Variants in NFIB observed in about 807,000 individuals in gnomAD.
NFIB encodes the protein nuclear factor I B, also known as nuclear factor 1 B-type.
A neutral mutation model predicts 61.5 loss-of-function variants in NFIB; 11 were observed. That is an observed-to-expected ratio of 0.18 (90% CI 0.11 to 0.30). NFIB has a LOEUF of 0.30. NFIB is among the 10% of genes least tolerant of loss of function. The probability of loss-of-function intolerance (pLI) is 1.00; values close to 1 mark genes in which losing one functional copy is unlikely to be tolerated. For synonymous variants in NFIB, 260 were observed against 216.5 expected, an observed-to-expected ratio of 1.20 and a Z score of -1.76; for missense variants, 471 against 608.9, an observed-to-expected ratio of 0.77 and a Z score of 2.38.
the NFIB span, among the ~76,000 whole-genome samples, chr9:14,426,746 T>G: frequency 2.6e-5 from 4 of 152,152 alleles, no homozygotes; most frequent in African/African-American, 9.7e-5. Context: ...TGTATCCTCC[T>G]TCTCTGACTG....
chr9:14,285,612 C>T (rs1490585437), intron 2 of NFIB, among the ~76,000 whole-genome samples: 1 of 152,204 alleles, frequency 6.6e-6, no homozygotes, highest in Non-Finnish European at 1.5e-5. Context: ...CTGACTCTGT[C>T]ACTTAACTAG....
At chr9:14,465,586 C>CAT in the NFIB span, among the ~76,000 whole-genome samples, 1 of 150,764 alleles carries the variant, frequency 6.6e-6, no homozygotes, top group East Asian at 1.9e-4. Flanking sequence ...CACACACACA[C>CAT]ACACACACAC....
intron 10 of NFIB, among the ~76,000 whole-genome samples, chr9:14,104,176 G>C (rs1587205970): frequency 6.6e-6 from 1 of 151,942 alleles, no homozygotes; most frequent in Admixed American, 6.6e-5. Flanking sequence ...GCCTCCTAAA[G>C]TGCTGGGATT....
chr9:14,421,618 T>C, the NFIB span, among the ~76,000 whole-genome samples: 4 of 152,218 alleles, frequency 2.6e-5, no homozygotes, highest in Non-Finnish European at 5.9e-5. Flanking sequence ...AGTTGACAAA[T>C]GTAAATTACT....
At position 14,188,728 on chromosome 9, in the gene NFIB, C is replaced by G. The variant is rs1315231434; in HGVS notation, c.563-8948G>C. Among the ~76,000 whole-genome samples, 14 of 152,206 alleles carry G rather than the reference C, an allele frequency of 9.2e-5. 1 individual carries two copies. The highest frequency in any genetic ancestry group is 9.2e-4 in the Admixed American group (14 of 15,270). ...AGTCCTTTCCAAAACCCAGCCAGAT[C>G]CAGTAGGAAAAGATGAGATGAATGT... On this transcript the variant is annotated intron_variant, in intron 2 of 10. Coordinates refer to ENST00000380953, the MANE Select transcript of NFIB (RefSeq NM_001190737.2).
chr9:14,395,905 G>C (rs1268768533), intron 1 of NFIB, among the ~76,000 whole-genome samples: 1 of 151,518 alleles, frequency 6.6e-6, no homozygotes, highest in African/African-American at 2.4e-5. Context: ...TGTGGGTGGG[G>C]GTGGGGATCG....
intron 2 of NFIB, among the ~76,000 whole-genome samples, chr9:14,229,809 C>G (rs2052896852): frequency 6.6e-6 from 1 of 152,130 alleles, no homozygotes. Flanking sequence ...CTTTTATTCC[C>G]ATCCTGCAGC....
intron 1 of NFIB, among the ~76,000 whole-genome samples, chr9:14,373,331 C>G (rs983668446): frequency 1.3e-5 from 2 of 152,186 alleles, no homozygotes; most frequent in African/African-American, 4.8e-5. Context: ...CTCTTATATG[C>G]AGATGGGAGT....
At chr9:14,296,974 C>T (rs1021646783) in intron 2 of NFIB, among the ~76,000 whole-genome samples, 3 of 152,186 alleles carry the variant, frequency 2.0e-5, no homozygotes, top group Admixed American at 2.0e-4. Flanking sequence ...TTCTCTTTTT[C>T]TTCTAACTTC....
the NFIB span, among the ~76,000 whole-genome samples, chr9:14,530,708 A>G: frequency 6.6e-6 from 1 of 152,078 alleles, no homozygotes; most frequent in Non-Finnish European, 1.5e-5. Flanking sequence ...GACTAATCAG[A>G]CCAGGCTTCC....
At chr9:14,222,348 C>G (rs1007628040) in intron 2 of NFIB, among the ~76,000 whole-genome samples, 5 of 152,172 alleles carry the variant, frequency 3.3e-5, no homozygotes, top group Non-Finnish European at 7.3e-5. Flanking sequence ...TCCATTGCAT[C>G]AGATGGCATT....
At chr9:14,481,811 C>T in the NFIB span, among the ~76,000 whole-genome samples, 3 of 152,136 alleles carry the variant, frequency 2.0e-5, no homozygotes, top group African/African-American at 7.2e-5. Flanking sequence ...AAGAGACTCA[C>T]CCAAGGTAGA....
At chr9:14,197,088 C>T (rs1015521902) in intron 2 of NFIB, among the ~76,000 whole-genome samples, 21 of 152,200 alleles carry the variant, frequency 1.4e-4, no homozygotes, top group African/African-American at 3.1e-4. Flanking sequence ...TAGCTATTTT[C>T]GAGGCATTTT....
the NFIB span, among the ~76,000 whole-genome samples, chr9:14,524,883 G>T: frequency 1.3e-5 from 2 of 152,132 alleles, no homozygotes; most frequent in East Asian, 3.9e-4. Context: ...GTATACCTTA[G>T]ATTTGTTTTG....
intron 6 of NFIB, among the ~76,000 whole-genome samples, chr9:14,145,917 T>C (rs7032410): frequency 0.017 from 2,628 of 152,196 alleles, 66 homozygotes; most frequent in African/African-American, 0.059. Context: ...TAAAAATACA[T>C]GTTTATGCTG....
At chr9:14,186,845 A>G (rs1282373064) in intron 2 of NFIB, among the ~76,000 whole-genome samples, 1 of 152,130 alleles carries the variant, frequency 6.6e-6, no homozygotes. Context: ...GTGACACAAA[A>G]TTATAGTTCT....
chr9:14,429,738 G>A, the NFIB span, among the ~76,000 whole-genome samples: 10 of 152,266 alleles, frequency 6.6e-5, no homozygotes, highest in East Asian at 1.9e-4. Flanking sequence ...CCTTAGGAGC[G>A]CCGCCTCCCC....
At chr9:14,203,065 C>A (rs1463877465) in intron 2 of NFIB, among the ~76,000 whole-genome samples, 1 of 152,182 alleles carries the variant, frequency 6.6e-6, no homozygotes, top group East Asian at 1.9e-4. Context: ...TTTGAATGAT[C>A]ATCAACACGA....
chr9:14,469,185 G>A, the NFIB span, among the ~76,000 whole-genome samples: 4 of 152,258 alleles, frequency 2.6e-5, no homozygotes. Flanking sequence ...TTGGGGGACC[G>A]AACTGTGCAA....
Sources: allele counts gnomAD v4.1 joint callset (sites outside exome capture counted in the v4.1 genomes callset), GRCh38; gene constraint gnomAD v4.1.1; transcripts MANE v1.5; gene names NCBI Gene and HGNC (gene_info 2026-07-23, HGNC 2026-07-21).